PPP1R12A: variants seen among roughly 807,000 people sequenced by gnomAD.
PPP1R12A encodes the protein myosin binding subunit.
PPP1R12A carries 19 observed loss-of-function variants against 139.6 expected under a neutral mutation model. The observed-to-expected ratio is 0.14, with a 90% CI of 0.09 to 0.20. PPP1R12A has a LOEUF of 0.20. PPP1R12A is among the 10% of genes least tolerant of loss of function. The pLI, the probability that PPP1R12A is intolerant of heterozygous loss-of-function variation, is 1.00. For missense variants in PPP1R12A, 925 were observed against 1,211.5 expected (o/e 0.76, Z 3.51); for synonymous variants, 427 against 420.6 (o/e 1.02, Z -0.19).
Position 79,871,401 on chromosome 12 carries a change from G to A in PPP1R12A, c.368+1407C>T, listed in dbSNP as rs183499433. ...GAAACATAAGAATTAAACATCTGAAGAAAGAGGTTGAGTTTTAATTTTCCC... is the reference window on the plus strand; with the variant it reads ...GAAACATAAGAATTAAACATCTGAAAAAAGAGGTTGAGTTTTAATTTTCCC... On this transcript the variant is annotated intron_variant, in intron 2 of 24. Transcript: ENST00000450142. 3.3e-3 allele frequency among the ~76,000 whole-genome samples: 508 copies of A among 152,272 alleles called. 6 individuals carry two copies. Among genetic ancestry groups the A allele is most frequent in the Non-Finnish European group, 1.7e-3 (114 of 68,018 alleles).
At chr12:79,822,772 T>C (rs1876270336) in intron 5 of PPP1R12A, among the ~76,000 whole-genome samples, 2 of 152,006 alleles carry the variant, frequency 1.3e-5, no homozygotes, top group South Asian at 4.2e-4. Context: ...TTGCATGATA[T>C]ATACAGTTTG....
Position 79,786,397 on chromosome 12 carries a change from A to G in PPP1R12A, c.2884T>C (p.Leu962=), listed in dbSNP as rs772799678. 1.1e-5 allele frequency: 17 copies of G among 1,556,322 alleles called. 1 individual carries two copies. The South Asian group carries it at 2.1e-4, about 19-fold the overall frequency. The part of the protein sequence containing the change: ...DTNMELTDLK[L]QLEKATQRQE... ...ACCTGGGTGGCCTTTTCCAACTGTA[A>G]TTTAAGATCTGTTAGTTCCATATTT... Residue 962 remains leucine (L), a synonymous_variant, in exon 22 of 25, where the codon TTA becomes CTA. Transcript: ENST00000450142.
intron 3 of PPP1R12A, among the ~76,000 whole-genome samples, chr12:79,837,886 C>A (rs1232552889): frequency 6.6e-6 from 1 of 152,256 alleles, no homozygotes; most frequent in African/African-American, 2.4e-5. Context: ...ATAAATTACC[C>A]ACTCTCGGGT....
intron 1 of PPP1R12A, among the ~76,000 whole-genome samples, chr12:79,918,872 T>C (rs767040698): frequency 5.3e-5 from 8 of 152,168 alleles, no homozygotes; most frequent in South Asian, 2.1e-4. Flanking sequence ...TCCCAGCACT[T>C]TGGGAGGCCA....
chr12:79,890,905 C>CCACCCACA (rs1555235835), intron 1 of PPP1R12A, among the ~76,000 whole-genome samples: 20 of 115,718 alleles, frequency 1.7e-4, no homozygotes, highest in Non-Finnish European at 2.7e-4. Flanking sequence ...CCACACCCAC[C>CCACCCACA]CACACACACA....
intron 2 of PPP1R12A, among the ~76,000 whole-genome samples, chr12:79,850,997 T>G (rs1427625674): frequency 3.3e-5 from 5 of 152,214 alleles, no homozygotes; most frequent in Non-Finnish European, 5.9e-5. Flanking sequence ...CTGTCTCAGG[T>G]AGTTCTTCAT....
chr12:79,846,548 G>C (rs1471914426), intron 2 of PPP1R12A, among the ~76,000 whole-genome samples: 1 of 150,614 alleles, frequency 6.6e-6, no homozygotes, highest in African/African-American at 2.4e-5. Flanking sequence ...TCCTGCCTCA[G>C]CCTCCCCAGT....
chr12:79,821,941 C>G (rs759563896), intron 6 of PPP1R12A, among the ~76,000 whole-genome samples, 175 bp downstream of exon 6: 2 of 152,014 alleles, frequency 1.3e-5, no homozygotes, highest in Admixed American at 6.6e-5. Flanking sequence ...TGGGGATAAG[C>G]AACACAAAAG....
chr12:79,827,426 C>CTACATAACCTATGATATTA (rs1404122646), intron 5 of PPP1R12A, among the ~76,000 whole-genome samples: 1 of 152,100 alleles, frequency 6.6e-6, no homozygotes, highest in Non-Finnish European at 1.5e-5. Context: ...TGAATCTCTG[C>CTACATAACCTATGATATTA]TACATAACCT....
intron 14 of PPP1R12A, among the ~76,000 whole-genome samples, chr12:79,802,813 T>C (rs774942981): frequency 1.3e-5 from 2 of 152,180 alleles, no homozygotes; most frequent in African/African-American, 2.4e-5. Context: ...ATAGGGTGCA[T>C]GCTATCACTT....
intron 2 of PPP1R12A, among the ~76,000 whole-genome samples, chr12:79,856,285 A>T (rs2596784): frequency 0.19 from 29,218 of 152,124 alleles, 4,841 homozygotes; most frequent in African/African-American, 0.44. Flanking sequence ...TATTCCACTA[A>T]TGCCTTCTCT....
intron 17 of PPP1R12A, among the ~76,000 whole-genome samples, chr12:79,796,439 T>C (rs942757316): frequency 6.6e-6 from 1 of 152,178 alleles, no homozygotes; most frequent in African/African-American, 2.4e-5. Flanking sequence ...TGATATGATC[T>C]ACACAGTAGG....
intron 1 of PPP1R12A, among the ~76,000 whole-genome samples, chr12:79,881,376 C>T (rs550323389): frequency 2.6e-4 from 39 of 152,284 alleles, no homozygotes; most frequent in Admixed American, 9.2e-4. Context: ...GAAAGCAAAG[C>T]AGCCTTACTG....
chr12:79,808,628 A>G, intron 10 of PPP1R12A, 51 bp from the exon 11 acceptor site: 1 of 998,698 alleles, frequency 1.0e-6, no homozygotes, highest in East Asian at 2.4e-5. Context: ...TACTGACTAT[A>G]GGCAATGCTA....
chr12:79,788,829 CAATTAT>C, intron 20 of PPP1R12A, 46 bp from the exon 21 acceptor site: 2 of 1,480,406 alleles, frequency 1.4e-6, no homozygotes, highest in Non-Finnish European at 1.8e-6. Context: ...TAGGCTTTTA[CAATTAT>C]AACAACATAC....
intron 3 of PPP1R12A, among the ~76,000 whole-genome samples, chr12:79,833,802 A>G (rs1431904487): frequency 6.8e-6 from 1 of 147,820 alleles, no homozygotes; most frequent in Non-Finnish European, 1.5e-5. Flanking sequence ...ACGCCACTGC[A>G]CTCCAGCCTG....
At chr12:79,850,783 T>C (rs1240134849) in intron 2 of PPP1R12A, among the ~76,000 whole-genome samples, 1 of 152,080 alleles carries the variant, frequency 6.6e-6, no homozygotes, top group African/African-American at 2.4e-5. Context: ...GCTGACAGAG[T>C]TCTCACGAGA....
rs1000567857 is a variant in PPP1R12A at position 79,808,427 on chromosome 12, T to C, written c.1550+56A>G. On this transcript the variant is annotated intron_variant, in intron 11 of 24. Transcript: ENST00000450142. ...TACAATGCTCATGTATTAACTCTAA[T>C]GCTAGATAATAAAGATTTTATAGTG... The C allele has an allele frequency of 1.5e-4, 170 of 1,169,628 alleles. 1 individual carries two copies. Among genetic ancestry groups the C allele is most frequent in the Non-Finnish European group, 2.1e-4 (163 of 785,694 alleles). 72.5% of individuals were successfully genotyped at this position (1,169,628 alleles called of 1,614,324 possible).
chr12:79,894,721 C>A (rs1884977308), intron 1 of PPP1R12A, among the ~76,000 whole-genome samples: 1 of 152,112 alleles, frequency 6.6e-6, no homozygotes, highest in South Asian at 2.1e-4. Flanking sequence ...TAAACAAATA[C>A]AAAAATGTAA....
Sources: allele counts gnomAD v4.1 joint callset (sites outside exome capture counted in the v4.1 genomes callset), GRCh38; gene constraint gnomAD v4.1.1; transcripts MANE v1.5; gene names NCBI Gene and HGNC (gene_info 2026-07-23, HGNC 2026-07-21).